Variants in CDH13 observed in about 807,000 individuals in gnomAD.
CDH13 encodes the protein cadherin 13.
Under a neutral mutation model 63.8 loss-of-function variants are expected in CDH13, and 24 were observed. The observed-to-expected ratio is 0.38, with a 90% CI of 0.27 to 0.53. CDH13 has a LOEUF of 0.53. CDH13 is among the 20% of genes least tolerant of loss of function. The pLI, the probability that CDH13 is intolerant of heterozygous loss-of-function variation, is 0.85. For synonymous variants in CDH13, 503 were observed against 355.3 expected (o/e 1.42, Z -4.67); for missense variants, 1,049 against 903.1 (o/e 1.16, Z -2.07).
chr16:82,715,803 C>T (rs1005309864), intron 1 of CDH13, among the ~76,000 whole-genome samples: 4 of 152,176 alleles, frequency 2.6e-5, no homozygotes, highest in Non-Finnish European at 5.9e-5. Context: ...TTACAAGCCA[C>T]AGTCTCACCT....
intron 3 of CDH13, among the ~76,000 whole-genome samples, chr16:83,033,206 C>G (rs890713108): frequency 1.3e-5 from 2 of 152,134 alleles, no homozygotes; most frequent in Admixed American, 6.5e-5. Context: ...TACTCATGCT[C>G]CTCCTGTTGT....
chr16:83,094,739 G>T lies in CDH13; in HGVS notation c.367-30646G>T, dbSNP rs753065274. Among the ~76,000 whole-genome samples the T allele has an allele frequency of 3.0e-4, 45 of 152,170 alleles. 1 individual carries two copies. The highest frequency in any genetic ancestry group is 8.8e-5 in the Non-Finnish European group (6 of 68,034). On this transcript the variant is annotated intron_variant, in intron 3 of 13. Transcript: ENST00000567109. ...TAGCATTTCATAACCAGTAACAACT[G>T]TCTTCCCCTGAAAGTGTGGTTTAAA...
At chr16:82,939,432 TAAATA>T (rs1417848663) in intron 2 of CDH13, among the ~76,000 whole-genome samples, 3 of 61,770 alleles carry the variant, frequency 4.9e-5, no homozygotes, top group Non-Finnish European at 9.3e-5. Context: ...CAAAAAAAAT[TAAATA>T]AAAGGGAGCA....
intron 3 of CDH13, among the ~76,000 whole-genome samples, chr16:83,075,828 G>A (rs2032796302): frequency 6.6e-6 from 1 of 152,162 alleles, no homozygotes; most frequent in Non-Finnish European, 1.5e-5. Flanking sequence ...CAAATGGAGA[G>A]TTTGTGTTAG....
chr16:82,728,635 T>C (rs143451289), intron 1 of CDH13, among the ~76,000 whole-genome samples: 1 of 152,292 alleles, frequency 6.6e-6, no homozygotes, highest in East Asian at 1.9e-4. Flanking sequence ...GGGTCTTGCC[T>C]TGATGTGACA....
intron 3 of CDH13, among the ~76,000 whole-genome samples, chr16:83,057,972 A>T (rs549823840): frequency 1.2e-4 from 18 of 152,300 alleles, no homozygotes; most frequent in Admixed American, 4.6e-4. Context: ...GATATTTTTT[A>T]AAAAAATAAA....
chr16:83,593,312 C>G (rs965375298), intron 7 of CDH13, among the ~76,000 whole-genome samples: 6 of 152,116 alleles, frequency 3.9e-5, no homozygotes, highest in African/African-American at 1.4e-4. Flanking sequence ...GATTTGCTAA[C>G]AAAAATGCCT....
intron 7 of CDH13, among the ~76,000 whole-genome samples, chr16:83,510,363 T>C (rs1455974626): frequency 1.3e-5 from 2 of 152,184 alleles, no homozygotes; most frequent in Admixed American, 6.5e-5. Flanking sequence ...CATTCCACAA[T>C]TGGACTTAAC....
chr16:82,685,292 G>C (rs547286351), intron 1 of CDH13, among the ~76,000 whole-genome samples: 1 of 152,154 alleles, frequency 6.6e-6, no homozygotes, highest in East Asian at 1.9e-4. Context: ...GTGAGGTCCC[G>C]CTTTCCTCAT....
At chr16:83,313,944 C>T (rs138187584) in intron 5 of CDH13, among the ~76,000 whole-genome samples, 7 of 152,244 alleles carry the variant, frequency 4.6e-5, no homozygotes, top group African/African-American at 1.7e-4. Context: ...TGATGTTTTT[C>T]AGTTCATTTG....
At chr16:82,941,807 C>T (rs1373355671) in intron 2 of CDH13, among the ~76,000 whole-genome samples, 2 of 152,300 alleles carry the variant, frequency 1.3e-5, no homozygotes, top group South Asian at 4.1e-4. Flanking sequence ...ATTCTATATT[C>T]TTGCTCCCTC....
intron 2 of CDH13, among the ~76,000 whole-genome samples, chr16:82,982,494 G>T (rs889897804): frequency 3.3e-5 from 5 of 152,090 alleles, no homozygotes; most frequent in African/African-American, 9.7e-5. Context: ...CCTTTTTCCT[G>T]TATCCCTTGG....
At chr16:83,440,088 T>TG (rs1433742599) in intron 6 of CDH13, among the ~76,000 whole-genome samples, 1 of 152,210 alleles carries the variant, frequency 6.6e-6, no homozygotes, top group Non-Finnish European at 1.5e-5. Flanking sequence ...TTTGTCATTT[T>TG]AAAAAGTTTG....
At chr16:82,931,182 CCT>C in intron 2 of CDH13, among the ~76,000 whole-genome samples, 1 of 152,248 alleles carries the variant, frequency 6.6e-6, no homozygotes, top group African/African-American at 2.4e-5. Context: ...CTTTGATTTC[CCT>C]CTCTCGTGTC....
At chr16:83,443,687 AGAGTGC>A (rs977869311) in intron 6 of CDH13, among the ~76,000 whole-genome samples, 2 of 143,380 alleles carry the variant, frequency 1.4e-5, no homozygotes, top group African/African-American at 5.4e-5. Flanking sequence ...CCTGGGCAAC[AGAGTGC>A]GAAGTCCCTA....
rs549173155 is a variant in CDH13, at chr16:83,192,871, A to G, written c.484-24474A>G. 2.6e-5 allele frequency among the ~76,000 whole-genome samples: 4 copies of G among 152,250 alleles called. No homozygotes were observed. The East Asian group carries it at 7.7e-4, about 29-fold the overall frequency. On this transcript the variant is annotated intron_variant, in intron 4 of 13. Coordinates refer to ENST00000567109, the MANE Select transcript of CDH13 (RefSeq NM_001257.5). ...GGGCGAACAGTGCATCTAAAAGATG[A>G]AGGTCTGATTTTCTTTGCAGAGTTT... is the stretch of plus-strand genomic sequence containing the variant.
intron 7 of CDH13, among the ~76,000 whole-genome samples, chr16:83,498,704 T>G (rs1053302068): frequency 5.3e-5 from 8 of 152,190 alleles, no homozygotes. Flanking sequence ...ACTATACAAA[T>G]CAATATTATT....
intron 7 of CDH13, among the ~76,000 whole-genome samples, chr16:83,525,314 C>A (rs1340752110): frequency 6.6e-6 from 1 of 152,222 alleles, no homozygotes; most frequent in Non-Finnish European, 1.5e-5. Context: ...GTCATGCACA[C>A]TGACTTATTT....
At chr16:83,531,670 G>A (rs2075087105) in intron 7 of CDH13, among the ~76,000 whole-genome samples, 1 of 152,214 alleles carries the variant, frequency 6.6e-6, no homozygotes. Flanking sequence ...GAAGAGGGAG[G>A]AGGCAATGTG....
Sources: allele counts gnomAD v4.1 joint callset (sites outside exome capture counted in the v4.1 genomes callset), GRCh38; gene constraint gnomAD v4.1.1; transcripts MANE v1.5; gene names NCBI Gene and HGNC (gene_info 2026-07-23, HGNC 2026-07-21).